The following PRKCA variants were observed in gnomAD, a reference collection of about 807,000 sequenced individuals.
The protein encoded by PRKCA is protein kinase C alpha type.
Under a neutral mutation model 87.0 loss-of-function variants are expected in PRKCA, and 27 were observed. That is an observed-to-expected ratio of 0.31 (90% CI 0.23 to 0.43). The LOEUF is 0.43. Among genes scored for constraint, PRKCA ranks in the 20% least tolerant of loss-of-function variants. The pLI is 1.00. For synonymous variants in PRKCA, 329 were observed against 311.1 expected, an observed-to-expected ratio of 1.06 and a Z score of -0.61; for missense variants, 518 against 852.3, an observed-to-expected ratio of 0.61 and a Z score of 4.88.
At chr17:66,337,941 T>G (rs1749123448) in intron 2 of PRKCA, among the ~76,000 whole-genome samples, 1 of 152,078 alleles carries the variant, frequency 6.6e-6, no homozygotes, top group Admixed American at 6.6e-5. Context: ...CTTTTATTGC[T>G]AAAATTTGTA....
chr17:66,742,711 G>C lies in PRKCA; in HGVS notation c.1475G>C (p.Gly492Ala). 1 of 1,614,184 alleles carries C rather than the reference G, an allele frequency of 6.2e-7. No homozygotes were observed. Among genetic ancestry groups the C allele is most frequent in the Non-Finnish European group, 8.5e-7 (1 of 1,180,016 alleles). Reference sequence around the variant, plus strand: ...ATGTGCAAGGAACACATGATGGATGGAGTCACGACCAGGACCTTCTGTGGG... The same window carrying C: ...ATGTGCAAGGAACACATGATGGATGCAGTCACGACCAGGACCTTCTGTGGG... ...FGMCKEHMMD[G>A]VTTRTFCGTP... The change falls in exon 13 of 17, where the codon GGA becomes GCA. Residue 492 changes from glycine (G) to alanine (A), a missense_variant. By Grantham distance (60) the Gly-to-Ala change is moderately conservative. Coordinates refer to ENST00000413366, the MANE Select transcript of PRKCA (RefSeq NM_002737.3).
chr17:66,574,700 C>T (rs1969178117), intron 3 of PRKCA, among the ~76,000 whole-genome samples: 1 of 148,578 alleles, frequency 6.7e-6, no homozygotes. Context: ...AACCAGTTAG[C>T]ATGAAACAGA....
At chr17:66,745,994 C>G (rs937796133) in intron 13 of PRKCA, among the ~76,000 whole-genome samples, 1 of 152,010 alleles carries the variant, frequency 6.6e-6, no homozygotes, top group African/African-American at 2.4e-5. Context: ...ATCAGATGGC[C>G]CTTGCCCTCC....
chr17:66,498,134 C>T (rs1307471023), intron 3 of PRKCA, among the ~76,000 whole-genome samples: 3 of 151,150 alleles, frequency 2.0e-5, no homozygotes, highest in Non-Finnish European at 4.4e-5. Flanking sequence ...CTCCCCCCTG[C>T]TCCCCGCCTC....
chr17:66,581,820 C>G (rs1363707465), intron 3 of PRKCA, among the ~76,000 whole-genome samples: 1 of 152,140 alleles, frequency 6.6e-6, no homozygotes. Flanking sequence ...TCAGGATGAG[C>G]TGAGAACATT....
intron 2 of PRKCA, among the ~76,000 whole-genome samples, chr17:66,325,170 T>C (rs1427256695): frequency 2.6e-5 from 4 of 152,240 alleles, no homozygotes; most frequent in Non-Finnish European, 5.9e-5. Flanking sequence ...AAGCAAACCA[T>C]TGGTCATTGT....
At chr17:66,727,169 G>C (rs1487589090) in intron 8 of PRKCA, among the ~76,000 whole-genome samples, 2 of 150,556 alleles carry the variant, frequency 1.3e-5, no homozygotes, top group Non-Finnish European at 3.0e-5. Context: ...ATACTGCCAC[G>C]GGAAGGAATT....
At chr17:66,485,451 G>A (rs1915955494) in intron 2 of PRKCA, among the ~76,000 whole-genome samples, 1 of 152,206 alleles carries the variant, frequency 6.6e-6, no homozygotes, top group Non-Finnish European at 1.5e-5. Context: ...CTTAGCGAGG[G>A]AGAGAGGTTT....
chr17:66,785,576 C>T (rs561920467), intron 14 of PRKCA, among the ~76,000 whole-genome samples: 2 of 152,314 alleles, frequency 1.3e-5, no homozygotes, highest in South Asian at 2.1e-4. Context: ...CGCTTTCCTC[C>T]TGTGCCATCC....
chr17:66,537,110 A>G (rs12450835), intron 3 of PRKCA, among the ~76,000 whole-genome samples: 15,138 of 152,194 alleles, frequency 0.099, 1,003 homozygotes, highest in Non-Finnish European at 0.14. Flanking sequence ...TTTTATTTGT[A>G]GTAATTTAGC....
chr17:66,333,406 T>C (rs1403975996), intron 2 of PRKCA, among the ~76,000 whole-genome samples: 2 of 152,218 alleles, frequency 1.3e-5, no homozygotes, highest in Admixed American at 1.3e-4. Flanking sequence ...TTCTGATAAA[T>C]AGTTCAAGGA....
chr17:66,801,878 G>A (rs1170849023), intron 16 of PRKCA, among the ~76,000 whole-genome samples: 1 of 152,212 alleles, frequency 6.6e-6, no homozygotes, highest in African/African-American at 2.4e-5. Context: ...ATTCATTGTG[G>A]TGTGAAATCT....
Position 66,553,878 on chromosome 17 carries a change from G to A in PRKCA, c.288+57595G>A, listed in dbSNP as rs537715476. On this transcript the variant is annotated intron_variant, in intron 3 of 16. Transcript: ENST00000413366. ...CATCTCATTGTTCAGGAGATGAAGT[G>A]TGTGGCCGGGGTGATCCAGAGAGTC... Among the ~76,000 whole-genome samples, 6 of 152,346 alleles carry A rather than the reference G, an allele frequency of 3.9e-5. No homozygotes were observed. The East Asian group carries it at 9.6e-4, about 24-fold the overall frequency.
chr17:66,374,645 G>GGAGGGAT (rs1291953199), intron 2 of PRKCA, among the ~76,000 whole-genome samples: 1 of 152,148 alleles, frequency 6.6e-6, no homozygotes, highest in East Asian at 1.9e-4. Context: ...GAGCTGCAGG[G>GGAGGGAT]GAGGGATGTG....
At chr17:66,797,348 C>T (rs940763911) in intron 16 of PRKCA, among the ~76,000 whole-genome samples, 14 of 152,338 alleles carry the variant, frequency 9.2e-5, no homozygotes, top group Admixed American at 5.2e-4. Flanking sequence ...CTCTTGGGTC[C>T]GTTGCATTCA....
At chr17:66,711,502 G>A (rs563130053) in intron 8 of PRKCA, among the ~76,000 whole-genome samples, 4 of 152,114 alleles carry the variant, frequency 2.6e-5, no homozygotes, top group Non-Finnish European at 5.9e-5. Context: ...TTTGCAACTT[G>A]CATGTAAATG....
intron 2 of PRKCA, among the ~76,000 whole-genome samples, chr17:66,487,413 A>G (rs1181141776): frequency 1.3e-5 from 2 of 152,122 alleles, no homozygotes; most frequent in African/African-American, 4.8e-5. Flanking sequence ...TTCCTTATCC[A>G]TTCATCTGTT....
intron 2 of PRKCA, among the ~76,000 whole-genome samples, chr17:66,407,557 C>A (rs1056643988): frequency 6.6e-6 from 1 of 152,036 alleles, no homozygotes; most frequent in Non-Finnish European, 1.5e-5. Context: ...TTCTTTACAG[C>A]AGTGTGAAAA....
chr17:66,620,146 A>T (rs545334268), intron 3 of PRKCA, among the ~76,000 whole-genome samples: 84 of 152,354 alleles, frequency 5.5e-4, no homozygotes, highest in African/African-American at 1.9e-3. Context: ...GTGAATACTC[A>T]TCAAAGAAAT....
Sources: allele counts gnomAD v4.1 joint callset (sites outside exome capture counted in the v4.1 genomes callset), GRCh38; gene constraint gnomAD v4.1.1; transcripts MANE v1.5; gene names NCBI Gene and HGNC (gene_info 2026-07-23, HGNC 2026-07-21).